AK9: variants seen among roughly 807,000 people sequenced by gnomAD.
AK9 encodes the protein adenylate kinase domain containing 1.
Under a neutral mutation model 239.6 loss-of-function variants are expected in AK9, and 191 were observed. The observed-to-expected ratio is 0.80, with a 90% CI of 0.71 to 0.90. The LOEUF is 0.90. Among genes scored for constraint, AK9 ranks in the 40% least tolerant of loss-of-function variants. The probability of loss-of-function intolerance (pLI) is 0.00; values close to 1 mark genes in which losing one functional copy is unlikely to be tolerated. For missense variants in AK9, 1,995 were observed against 2,214.7 expected (o/e 0.90, Z 1.99); for synonymous variants, 689 against 721.0 (o/e 0.96, Z 0.71).
chr6:109,513,021 T>C (rs1778913453), intron 32 of AK9, among the ~76,000 whole-genome samples: 3 of 152,094 alleles, frequency 2.0e-5, no homozygotes, highest in Admixed American at 1.3e-4. Flanking sequence ...GTGCCACCAT[T>C]CCCAGCTAAT....
At chr6:109,649,813 C>G (rs1272424409) in intron 8 of AK9, among the ~76,000 whole-genome samples, 1 of 152,220 alleles carries the variant, frequency 6.6e-6, no homozygotes, top group Non-Finnish European at 1.5e-5. Context: ...CTGGAGGCAT[C>G]ACGCTACCTG....
At chr6:109,668,604 C>T (rs1801605630) in intron 5 of AK9, among the ~76,000 whole-genome samples, 1 of 137,830 alleles carries the variant, frequency 7.3e-6, no homozygotes, top group Non-Finnish European at 1.6e-5. Context: ...CCAGTTTCAG[C>T]TTTCTACATA....
At chr6:109,535,741 CT>C (rs1335457442) in intron 27 of AK9, among the ~76,000 whole-genome samples, 2 of 152,112 alleles carry the variant, frequency 1.3e-5, no homozygotes, top group Non-Finnish European at 2.9e-5. Flanking sequence ...GGTTTTAGGT[CT>C]AACATTTAAG....
intron 2 of AK9, among the ~76,000 whole-genome samples, chr6:109,674,624 T>C (rs1161108002): frequency 6.6e-6 from 1 of 152,236 alleles, no homozygotes; most frequent in African/African-American, 2.4e-5. Flanking sequence ...CTAAAGTTCA[T>C]AATCATGAAT....
chr6:109,554,241 C>A (rs1784692996), intron 24 of AK9, among the ~76,000 whole-genome samples: 1 of 152,014 alleles, frequency 6.6e-6, no homozygotes. Flanking sequence ...CTCTCCTTTT[C>A]AGTTGTTTGC....
At position 109,563,228 on chromosome 6, in the gene AK9, G is replaced by C. The variant is rs1786006360; in HGVS notation, c.2751+369C>G. 2.0e-5 allele frequency among the ~76,000 whole-genome samples: 3 copies of C among 152,146 alleles called. No individual in the cohort carries two copies. The South Asian group carries it at 6.2e-4, about 32-fold the overall frequency. ...AAATGAGAATGGTTGTCCAAATTCT[G>C]ATGCCAAGGGAGTGGATGGGGCCTG... On this transcript the variant is annotated intron_variant, in intron 24 of 40. Transcript: ENST00000424296.
intron 5 of AK9, among the ~76,000 whole-genome samples, chr6:109,668,062 G>A (rs556318978): frequency 6.6e-6 from 1 of 152,290 alleles, no homozygotes; most frequent in African/African-American, 2.4e-5. Flanking sequence ...TCCAGCACCT[G>A]TTGTTTCCTG....
intron 19 of AK9, among the ~76,000 whole-genome samples, chr6:109,584,683 A>G (rs1476188973): frequency 1.3e-5 from 2 of 152,078 alleles, no homozygotes; most frequent in Non-Finnish European, 2.9e-5. Context: ...AAACATAAAT[A>G]ATTAGCCTGG....
intron 27 of AK9, among the ~76,000 whole-genome samples, chr6:109,537,402 A>G (rs144710457): frequency 0.22 from 32,501 of 146,258 alleles, 4,123 homozygotes; most frequent in Middle Eastern, 0.3. Context: ...AGAGGTGTTT[A>G]TAGTATTCTC....
chr6:109,509,001 A>G (rs1778402249), intron 33 of AK9, among the ~76,000 whole-genome samples, 178 bp downstream of exon 33: 1 of 152,232 alleles, frequency 6.6e-6, no homozygotes, highest in Non-Finnish European at 1.5e-5. Context: ...TTTCAAGCCA[A>G]GTTTTTGCTT....
intron 27 of AK9, among the ~76,000 whole-genome samples, chr6:109,540,695 C>G (rs1782764214): frequency 6.6e-6 from 1 of 152,174 alleles, no homozygotes; most frequent in Admixed American, 6.5e-5. Flanking sequence ...CTCCGTCGCT[C>G]ACACTGGGAG....
intron 5 of AK9, among the ~76,000 whole-genome samples, chr6:109,669,703 C>A (rs141417211): frequency 7.7e-4 from 118 of 152,268 alleles, no homozygotes; most frequent in African/African-American, 2.7e-3. Context: ...CTACCTTCTA[C>A]CAGGCTACGG....
At chr6:109,525,861 CAA>C (rs1780443532) in intron 29 of AK9, among the ~76,000 whole-genome samples, 3 of 152,182 alleles carry the variant, frequency 2.0e-5, no homozygotes, top group African/African-American at 7.2e-5. Context: ...GCACTACTCA[CAA>C]TAGCAAAGAC....
At position 109,568,456 on chromosome 6, in the gene AK9, G is replaced by A. The variant is rs1036534850; in HGVS notation, c.2345-3611C>T. ...AAATCAGGCAAGATAAAGAAATAAA[G>A]GGTATTCAATTAGGAAAAGAGGAAG... On this transcript the variant is annotated intron_variant, in intron 21 of 40. Coordinates refer to ENST00000424296, the MANE Select transcript of AK9 (RefSeq NM_001145128.3). Among the ~76,000 whole-genome samples the A allele has an allele frequency of 5.9e-5, 9 of 152,106 alleles. No individual in the cohort carries two copies. In the South Asian group the frequency reaches 1.9e-3, roughly 32 times the overall value.
chr6:109,662,054 A>G (rs969440738), intron 6 of AK9, among the ~76,000 whole-genome samples: 6 of 152,210 alleles, frequency 3.9e-5, no homozygotes, highest in Non-Finnish European at 8.8e-5. Context: ...AGGTGCCACT[A>G]TGTACCACGT....
intron 17 of AK9, among the ~76,000 whole-genome samples, chr6:109,593,118 G>C (rs1050496953): frequency 6.6e-6 from 1 of 151,882 alleles, no homozygotes; most frequent in African/African-American, 2.4e-5. Flanking sequence ...TTGCAGCTCT[G>C]AGATTGTTTC....
intron 17 of AK9, among the ~76,000 whole-genome samples, chr6:109,592,781 T>C (rs2128220353): frequency 8.8e-6 from 1 of 113,938 alleles, no homozygotes; most frequent in Middle Eastern, 5.2e-3. Flanking sequence ...TGCTTCTCTC[T>C]TTCTGATTTT....
chr6:109,493,551 C>T lies in AK9; in HGVS notation c.5554G>A (p.Glu1852Lys), dbSNP rs770704105. The T allele has an allele frequency of 2.7e-5, 44 of 1,613,442 alleles. No homozygotes were observed. Among genetic ancestry groups the T allele is most frequent in the Non-Finnish European group, 3.5e-5 (41 of 1,179,908 alleles). Residue 1852 changes from glutamate to lysine, a missense_variant, in exon 41 of 41, where the codon GAA (glutamate) becomes AAA (lysine). This residue lies in a region of AK9 where 391 missense variants were observed against 456.0 expected (regional missense o/e 0.86). Coordinates refer to ENST00000424296, the MANE Select transcript of AK9 (RefSeq NM_001145128.3). ...TTCTTATACTTTTTTCTTGTGTATT[C>T]GGAACCTTTGGGATTAAATGCTGTA... ...HLKAFNPKGS[E>K]YTRKKYKKKM... is the part of the protein sequence containing the mutation.
intron 17 of AK9, among the ~76,000 whole-genome samples, chr6:109,605,533 CTTT>C (rs1413661948): frequency 2.0e-5 from 3 of 151,938 alleles, no homozygotes; most frequent in Non-Finnish European, 4.4e-5. Flanking sequence ...CATTAGATGT[CTTT>C]CTGATTTCAA....
Sources: allele counts gnomAD v4.1 joint callset (sites outside exome capture counted in the v4.1 genomes callset), GRCh38; gene constraint gnomAD v4.1.1; regional missense constraint gnomAD v4.1.1; transcripts MANE v1.5; gene names NCBI Gene and HGNC (gene_info 2026-07-23, HGNC 2026-07-21).